The following UBP1 variants were observed in gnomAD, a reference collection of about 807,000 sequenced individuals.
UBP1 encodes upstream binding protein 1.
In UBP1, 22 loss-of-function variants were observed where a neutral mutation model predicts 76.1. That is an observed-to-expected ratio of 0.29 (90% CI 0.21 to 0.41). The LOEUF is 0.41. Among genes scored for constraint, UBP1 ranks in the 10% least tolerant of loss-of-function variants. The pLI is 1.00. For missense variants in UBP1, 436 were observed against 668.1 expected (o/e 0.65, Z 3.83); for synonymous variants, 224 against 237.1 (o/e 0.94, Z 0.51).
chr3:33,425,872 T>TTTTTTAA, intron 1 of UBP1, 131 bp from the exon 2 acceptor site: 7 of 748,536 alleles, frequency 9.4e-6, no homozygotes, highest in Non-Finnish European at 9.6e-6. Context: ...ATAGTTTTTT[T>TTTTTTAA]TTTAAGATCA....
chr3:33,425,713 G>A lies in UBP1; in HGVS notation c.142C>T (p.Gln48Ter). ...SDVLALPIFK[Q>*]EDSSLPLDGE... ...TCCAATGGAAGGCTGGAATCTTCCT[G>A]CTTGAAAATGGGCAATGCCAAGACA... The change falls in exon 2 of 16, where the codon CAG becomes TAG. Residue 48 changes from glutamine (Q) to a stop codon, truncating the protein, a stop_gained. Coordinates refer to ENST00000283629, the MANE Select transcript of UBP1 (RefSeq NM_014517.5). LOFTEE classifies it high-confidence loss of function. 2 of 1,597,708 alleles carry A rather than the reference G, an allele frequency of 1.3e-6. No homozygotes were observed. The highest frequency in any genetic ancestry group is 1.7e-6 in the Non-Finnish European group (2 of 1,167,288).
intron 7 of UBP1, 139 bp downstream of exon 7, chr3:33,409,097 C>A: frequency 1.2e-6 from 1 of 836,728 alleles, no homozygotes; most frequent in Non-Finnish European, 1.9e-6. Flanking sequence ...TAAATATTTT[C>A]CCCAGAAATT....
chr3:33,403,602 C>CTATG (rs1294842715), intron 8 of UBP1: 1 of 152,090 alleles, frequency 6.6e-6, no homozygotes, highest in African/African-American at 2.4e-5. Flanking sequence ...ATCTATCTAT[C>CTATG]TTTCCTTCTT....
At chr3:33,392,916 A>G (rs2043826032) in intron 14 of UBP1, 4 of 354,796 alleles carry the variant, frequency 1.1e-5, no homozygotes, top group East Asian at 9.2e-5. Context: ...GTGCTCTTCT[A>G]TTATTACTTG....
chr3:33,411,460 A>G, intron 5 of UBP1, 121 bp downstream of exon 5: 4 of 805,576 alleles, frequency 5.0e-6, no homozygotes, highest in Non-Finnish European at 8.0e-6. Context: ...GTATATAGAA[A>G]GACACTACAA....
At chr3:33,432,203 A>AATG (rs141046684) in intron 1 of UBP1, among the ~76,000 whole-genome samples, 1,568 of 152,196 alleles carry the variant, frequency 0.01, 18 homozygotes, top group African/African-American at 0.036. Flanking sequence ...GCATACTCAT[A>AATG]AACTCAGCTA....
intron 8 of UBP1, among the ~76,000 whole-genome samples, chr3:33,405,440 T>TC (rs1281116055): frequency 6.6e-6 from 1 of 152,238 alleles, no homozygotes; most frequent in East Asian, 1.9e-4. Flanking sequence ...GAACATTGCC[T>TC]CCTTTGCAGC....
intron 1 of UBP1, among the ~76,000 whole-genome samples, chr3:33,433,593 C>T (rs138498024): frequency 0.096 from 14,452 of 150,410 alleles, 938 homozygotes; most frequent in Non-Finnish European, 0.14. Context: ...GTGGAGGTTG[C>T]GGTGAGCTGA....
At chr3:33,398,501 T>C (rs2154055564) in intron 11 of UBP1, 1 of 152,442 alleles carries the variant, frequency 6.6e-6, no homozygotes, top group Middle Eastern at 3.4e-3. Flanking sequence ...GACAGATAAC[T>C]GCAATGTACA....
intron 14 of UBP1, chr3:33,392,962 A>G: frequency 6.4e-6 from 2 of 313,016 alleles, no homozygotes; most frequent in Non-Finnish European, 1.2e-5. Flanking sequence ...TATATCTTAC[A>G]TGTTTTTTTA....
chr3:33,422,960 T>C (rs527686232), intron 2 of UBP1, among the ~76,000 whole-genome samples: 3 of 152,098 alleles, frequency 2.0e-5, no homozygotes, highest in Non-Finnish European at 4.4e-5. Context: ...ATGATACTCA[T>C]ATAGGTATTA....
intron 1 of UBP1, among the ~76,000 whole-genome samples, chr3:33,435,332 A>C (rs1330486146): frequency 1.3e-5 from 2 of 152,186 alleles, no homozygotes; most frequent in Admixed American, 1.3e-4. Flanking sequence ...CCCATTTTTA[A>C]ATTTCACTAA....
At chr3:33,399,493 C>T (rs2044139931) in intron 11 of UBP1, among the ~76,000 whole-genome samples, 2 of 152,110 alleles carry the variant, frequency 1.3e-5, no homozygotes, top group South Asian at 4.1e-4. Flanking sequence ...AAGGATTAAA[C>T]TACTGATAAA....
intron 15 of UBP1, chr3:33,391,873 T>A (rs2043779717): frequency 1.3e-5 from 2 of 152,416 alleles, no homozygotes; most frequent in Admixed American, 6.5e-5. Flanking sequence ...AAATCCGAAC[T>A]ACCATCATCA....
At chr3:33,423,586 G>A (rs1436618023) in intron 2 of UBP1, among the ~76,000 whole-genome samples, 3 of 152,080 alleles carry the variant, frequency 2.0e-5, no homozygotes, top group Non-Finnish European at 4.4e-5. Context: ...GGAGCCTGCT[G>A]GAGTACTGGA....
intron 13 of UBP1, among the ~76,000 whole-genome samples, 177 bp from the exon 14 acceptor site, chr3:33,393,631 A>C (rs2043854959): frequency 6.6e-6 from 1 of 152,238 alleles, no homozygotes; most frequent in Admixed American, 6.5e-5. Flanking sequence ...GAAATCTTGA[A>C]CTACCAATCT....
intron 8 of UBP1, among the ~76,000 whole-genome samples, chr3:33,407,645 T>A (rs2044463023): frequency 6.6e-6 from 1 of 152,150 alleles, no homozygotes; most frequent in African/African-American, 2.4e-5. Context: ...AGAGAAGCAT[T>A]AAAACATTTT....
At chr3:33,417,138 T>C (rs370027633) in intron 2 of UBP1, among the ~76,000 whole-genome samples, 4 of 152,340 alleles carry the variant, frequency 2.6e-5, no homozygotes, top group South Asian at 2.1e-4. Context: ...TTCTGAGATA[T>C]AGTTTACATA....
rs192439321 is a variant in UBP1, at chr3:33,398,953, A to C, written c.1180+1236T>G. Reference sequence around the variant, plus strand: ...AAATGTAGTCCCCAGCTAGCAAATGACCTCCATAGGGAACTTTAAAGAGAC... The same window carrying C: ...AAATGTAGTCCCCAGCTAGCAAATGCCCTCCATAGGGAACTTTAAAGAGAC... On this transcript the variant is annotated intron_variant, in intron 11 of 15. Coordinates refer to ENST00000283629, the MANE Select transcript of UBP1 (RefSeq NM_014517.5). 3.3e-5 allele frequency among the ~76,000 whole-genome samples: 5 copies of C among 152,354 alleles called. No homozygotes were observed. The East Asian group carries it at 9.6e-4, about 29-fold the overall frequency.
Sources: allele counts gnomAD v4.1 joint callset (sites outside exome capture counted in the v4.1 genomes callset), GRCh38; gene constraint gnomAD v4.1.1; transcripts MANE v1.5; gene names NCBI Gene and HGNC (gene_info 2026-07-23, HGNC 2026-07-21).